The following MVB12B variants were observed in gnomAD, a reference collection of about 807,000 sequenced individuals.
MVB12B encodes ESCRT-I complex subunit MVB12B.
MVB12B carries 16 observed loss-of-function variants against 41.6 expected under a neutral mutation model. The ratio of observed to expected loss-of-function variants is 0.38; its 90% CI spans 0.26 to 0.58. The LOEUF (loss-of-function observed/expected upper bound fraction) is 0.58, where lower values mean the gene tolerates loss of function less well. Among genes scored for constraint, MVB12B ranks in the 20% least tolerant of loss-of-function variants. MVB12B has a pLI of 0.62. For missense variants in MVB12B, 274 were observed against 380.2 expected, an observed-to-expected ratio of 0.72 and a Z score of 2.32; for synonymous variants, 133 against 139.7, an observed-to-expected ratio of 0.95 and a Z score of 0.34.
rs2118982129 is a variant in MVB12B, at chr9:126,386,831, G to A, written c.409+173G>A. Among the ~76,000 whole-genome samples, 1 of 152,292 alleles carries A rather than the reference G, an allele frequency of 6.6e-6. No homozygotes were observed. Among genetic ancestry groups the A allele is most frequent in the African/African-American group, 2.4e-5 (1 of 41,562 alleles). On this transcript the variant is annotated intron_variant, in intron 4 of 9. Coordinates refer to ENST00000361171, the MANE Select transcript of MVB12B (RefSeq NM_033446.3). This position sits in a 1 kb window ranked among gnomAD's most constrained non-coding sequence, Gnocchi z 4.3. ...TGTGTCTGGCTGGGTTCTCCAAGGA[G>A]TTTGCAGAGTATTCTGGGTAGCAGC...
At chr9:126,405,211 A>G (rs1831385301) in intron 6 of MVB12B, among the ~76,000 whole-genome samples, 1 of 150,184 alleles carries the variant, frequency 6.7e-6, no homozygotes, top group East Asian at 2.0e-4. Context: ...TGAGTGTCTT[A>G]TTTTTCTCAG....
rs1833234505 is a variant in MVB12B at position 126,468,098 on chromosome 9, A to G, written c.758-13271A>G. On this transcript the variant is annotated intron_variant, in intron 7 of 9. Coordinates refer to ENST00000361171, the MANE Select transcript of MVB12B (RefSeq NM_033446.3). This position sits in a 1 kb window ranked among gnomAD's most constrained non-coding sequence, Gnocchi z 4.3. ...ACATCTGATTTTGATCCAATATCAC[A>G]GAGTACATTCTGATCTTCCCATTGT... 6.6e-6 allele frequency among the ~76,000 whole-genome samples: 1 copy of G among 152,236 alleles called. No homozygotes were observed. Among genetic ancestry groups the G allele is most frequent in the Non-Finnish European group, 1.5e-5 (1 of 68,042 alleles).
At chr9:126,443,102 G>C (rs1295147352) in intron 7 of MVB12B, among the ~76,000 whole-genome samples, 2 of 152,188 alleles carry the variant, frequency 1.3e-5, no homozygotes, top group African/African-American at 4.8e-5. Context: ...TCAAGAGTTT[G>C]TGTCCTCCTG....
rs972877229 is a variant in MVB12B, at chr9:126,392,701, C to T, written c.539+506C>T. Among the ~76,000 whole-genome samples, 1 of 152,196 alleles carries T rather than the reference C, an allele frequency of 6.6e-6. No individual in the cohort carries two copies. The highest frequency in any genetic ancestry group is 1.5e-5 in the Non-Finnish European group (1 of 68,042). On this transcript the variant is annotated intron_variant, in intron 5 of 9. Transcript: ENST00000361171. This position sits in a 1 kb window ranked among gnomAD's most constrained non-coding sequence, Gnocchi z 4.8. ...ACAATGATGGAGTGGGGGCCTCTTC[C>T]GTGAGGGGGTCAGGAAGGTGACACT...
intron 9 of MVB12B, among the ~76,000 whole-genome samples, chr9:126,495,593 T>C (rs978271887): frequency 6.6e-6 from 1 of 152,158 alleles, no homozygotes; most frequent in Non-Finnish European, 1.5e-5. Flanking sequence ...GTGGACACTC[T>C]TCCCAGCTGG....
intron 7 of MVB12B, among the ~76,000 whole-genome samples, chr9:126,467,347 G>A (rs1833221164): frequency 6.6e-6 from 1 of 152,194 alleles, no homozygotes; most frequent in Admixed American, 6.5e-5. Flanking sequence ...CACTCTCAGT[G>A]CATCCTGTTG....
At chr9:126,474,670 GTCTTC>G (rs1469393914) in intron 7 of MVB12B, among the ~76,000 whole-genome samples, 1 of 152,190 alleles carries the variant, frequency 6.6e-6, no homozygotes, top group Non-Finnish European at 1.5e-5. Flanking sequence ...TTCACCTCAA[GTCTTC>G]TCTTATCTGA....
At chr9:126,365,332 C>CTTT (rs11461253) in intron 2 of MVB12B, among the ~76,000 whole-genome samples, 80 of 119,844 alleles carry the variant, frequency 6.7e-4, no homozygotes, top group South Asian at 2.0e-3. Flanking sequence ...CCCAAAGTGT[C>CTTT]TTTTTTTTTT....
chr9:126,411,460 G>A (rs1831647707), intron 6 of MVB12B, among the ~76,000 whole-genome samples: 1 of 152,202 alleles, frequency 6.6e-6, no homozygotes, highest in Admixed American at 6.5e-5. Flanking sequence ...GCGGCCTTGT[G>A]TGCCTGTTGA....
At chr9:126,415,974 G>A (rs1367624766) in intron 6 of MVB12B, among the ~76,000 whole-genome samples, 3 of 152,220 alleles carry the variant, frequency 2.0e-5, no homozygotes, top group East Asian at 3.9e-4. Context: ...AGGAACAAGA[G>A]CAGAGGCTGG....
At chr9:126,332,265 T>C (rs1218806329) in intron 1 of MVB12B, among the ~76,000 whole-genome samples, 1 of 152,124 alleles carries the variant, frequency 6.6e-6, no homozygotes, top group Non-Finnish European at 1.5e-5. Context: ...TCCCTTTCTC[T>C]TGGGATATTT....
chr9:126,329,609 A>C (rs561319898), intron 1 of MVB12B, among the ~76,000 whole-genome samples: 1 of 152,338 alleles, frequency 6.6e-6, no homozygotes, highest in Admixed American at 6.5e-5. Context: ...ATCAGAATCC[A>C]AATGGCATAG....
At chr9:126,410,619 C>T (rs2119055854) in intron 6 of MVB12B, among the ~76,000 whole-genome samples, 1 of 152,254 alleles carries the variant, frequency 6.6e-6, no homozygotes, top group South Asian at 2.1e-4. Context: ...CCCTGGAAAG[C>T]CCCTCCCAGC....
chr9:126,491,350 C>CA (rs2119222014), intron 9 of MVB12B, among the ~76,000 whole-genome samples: 1 of 152,288 alleles, frequency 6.6e-6, no homozygotes, highest in African/African-American at 2.4e-5. Context: ...TTTATAAAAG[C>CA]AAAATGTTCC....
rs1422637274 is a variant in MVB12B at position 126,407,621 on chromosome 9, AC to A, written c.662+11929del. Among the ~76,000 whole-genome samples the A allele has an allele frequency of 7.4e-5, 11 of 149,496 alleles. No homozygotes were observed. The South Asian group carries it at 1.1e-3, about 15-fold the overall frequency. ...CACACTGACAGATTGAGACTACCCC[AC>A]CCCCACCGACGCCCTCACAACCCAG... On this transcript the variant is annotated intron_variant, in intron 6 of 9. Coordinates refer to ENST00000361171, the MANE Select transcript of MVB12B (RefSeq NM_033446.3).
At chr9:126,331,560 A>C (rs770730774) in intron 1 of MVB12B, among the ~76,000 whole-genome samples, 27 of 152,138 alleles carry the variant, frequency 1.8e-4, no homozygotes, top group Non-Finnish European at 3.4e-4. Flanking sequence ...CTCCCATTCC[A>C]TAGGTTGCCT....
chr9:126,457,134 C>T (rs1312909513), intron 7 of MVB12B, among the ~76,000 whole-genome samples: 3 of 152,220 alleles, frequency 2.0e-5, no homozygotes, highest in African/African-American at 2.4e-5. Flanking sequence ...GCTGCGCCCT[C>T]AGCCCACCCT....
chr9:126,379,841 A>C (rs866751921), intron 2 of MVB12B, among the ~76,000 whole-genome samples: 1 of 152,144 alleles, frequency 6.6e-6, no homozygotes, highest in African/African-American at 2.4e-5. Flanking sequence ...GAGGCCATCC[A>C]TGTGCTGTGG....
intron 6 of MVB12B, among the ~76,000 whole-genome samples, chr9:126,398,010 T>A (rs182250119): frequency 6.6e-6 from 1 of 152,206 alleles, no homozygotes; most frequent in African/African-American, 2.4e-5. Context: ...CGGGATTTCC[T>A]GTCTTCCCTT....
Sources: allele counts gnomAD v4.1 joint callset (sites outside exome capture counted in the v4.1 genomes callset), GRCh38; gene constraint gnomAD v4.1.1; non-coding constraint Gnocchi (gnomAD v3.1); transcripts MANE v1.5; gene names NCBI Gene and HGNC (gene_info 2026-07-23, HGNC 2026-07-21).